The following ACAD10 variants were observed in gnomAD, a reference collection of about 807,000 sequenced individuals.
ACAD10 encodes the protein acyl-CoA dehydrogenase family member 10.
In ACAD10, 112 loss-of-function variants were observed where a neutral mutation model predicts 116.8. The ratio of observed to expected loss-of-function variants is 0.96; its 90% CI spans 0.82 to 1.12. The LOEUF is 1.12. Among genes scored for constraint, ACAD10 ranks in the 50% most tolerant of loss-of-function variants. The pLI is 0.00. For synonymous variants in ACAD10, 486 were observed against 510.6 expected (o/e 0.95, Z 0.65); for missense variants, 1,259 against 1,350.2 (o/e 0.93, Z 1.06).
intron 11 of ACAD10, among the ~76,000 whole-genome samples, chr12:111,735,607 C>G (rs1889526771): frequency 6.6e-6 from 1 of 151,868 alleles, no homozygotes; most frequent in African/African-American, 2.4e-5. Context: ...AGGCACCCAC[C>G]ACCACGCCCG....
chr12:111,715,967 GT>G lies in ACAD10; in HGVS notation c.992+9del. On this transcript the variant is annotated splice_donor_region_variant and intron_variant, in intron 7 of 20. Coordinates refer to ENST00000313698, the MANE Select transcript of ACAD10 (RefSeq NM_025247.6). ...TGCCATAGAGAGGGAGTTCAGGTAA[GT>G]TTTCAGGGCCAGGGGAGCACTTGCC... 6.2e-7 allele frequency: 1 copy of G among 1,613,924 alleles called. No homozygotes were observed. The highest frequency in any genetic ancestry group is 2.2e-5 in the East Asian group (1 of 44,884).
At chr12:111,716,200 AC>A (rs926869484) in intron 7 of ACAD10, among the ~76,000 whole-genome samples, 5 of 150,886 alleles carry the variant, frequency 3.3e-5, no homozygotes, top group African/African-American at 4.9e-5. Context: ...CCCTGTTTCT[AC>A]CCCCCATCCC....
chr12:111,723,008 C>T (rs1282683800), intron 8 of ACAD10, among the ~76,000 whole-genome samples: 42 of 146,382 alleles, frequency 2.9e-4, no homozygotes, highest in Admixed American at 6.1e-4. Flanking sequence ...GGTGGCCGGG[C>T]GGGGGGCTGA....
At position 111,692,820 on chromosome 12, in the gene ACAD10, T is replaced by C; in HGVS notation, c.111T>C (p.Leu37=). 2 of 1,614,152 alleles carry C rather than the reference T, an allele frequency of 1.2e-6. No homozygotes were observed. Among genetic ancestry groups the C allele is most frequent in the Non-Finnish European group, 1.7e-6 (2 of 1,180,024 alleles). Residue 37 remains leucine (L), a synonymous_variant, in exon 2 of 21, where the codon CTT becomes CTC. Transcript: ENST00000313698. The part of the protein sequence containing the change: ...RHQGSHRWTH[L]GGSTYRAVIF... ...AGGGGTCCCACCGATGGACACACCT[T>C]GGAGGCAGCACCTACAGAGCGGTGA...
At chr12:111,719,602 C>T (rs1350612495) in intron 7 of ACAD10, among the ~76,000 whole-genome samples, 1 of 150,426 alleles carries the variant, frequency 6.6e-6, no homozygotes, top group African/African-American at 2.4e-5. Flanking sequence ...GCCCAGGCTG[C>T]ACTGCAGTGG....
intron 7 of ACAD10, 71 bp from the exon 8 acceptor site, chr12:111,721,600 A>C (rs1251978467): frequency 5.0e-6 from 7 of 1,393,842 alleles, no homozygotes; most frequent in Non-Finnish European, 7.0e-6. Flanking sequence ...ACAAAAAACA[A>C]AGAAAAGTAA....
intron 2 of ACAD10, among the ~76,000 whole-genome samples, chr12:111,694,335 T>A (rs996957384): frequency 2.6e-5 from 4 of 152,004 alleles, no homozygotes; most frequent in African/African-American, 9.7e-5. Flanking sequence ...GACTGTCCAC[T>A]CCCCCTGCTC....
intron 13 of ACAD10, 145 bp from the exon 14 acceptor site, chr12:111,745,999 C>T (rs1889882676): frequency 5.0e-6 from 5 of 1,007,804 alleles, no homozygotes; most frequent in Admixed American, 5.6e-5. Flanking sequence ...AGCCACCATG[C>T]CCAGCTCCTC....
At chr12:111,694,550 C>A (rs561382441) in intron 2 of ACAD10, among the ~76,000 whole-genome samples, 166 of 152,260 alleles carry the variant, frequency 1.1e-3, no homozygotes, top group Non-Finnish European at 1.8e-3. Context: ...GATCACTGGA[C>A]AGAAAGTTTC....
At chr12:111,692,581 A>T in intron 1 of ACAD10, 116 bp from the exon 2 acceptor site, 1 of 1,021,940 alleles carries the variant, frequency 9.8e-7, no homozygotes, top group Non-Finnish European at 1.4e-6. Context: ...GTGTGATTCG[A>T]AGTGCCTGTT....
intron 1 of ACAD10, among the ~76,000 whole-genome samples, chr12:111,686,578 T>C (rs1156595441): frequency 3.3e-5 from 5 of 152,002 alleles, no homozygotes; most frequent in East Asian, 1.9e-4. Context: ...TAGCCGGGCT[T>C]GGTGGCGCGC....
intron 16 of ACAD10, 62 bp from the exon 17 acceptor site, chr12:111,748,255 G>T: frequency 1.9e-6 from 3 of 1,599,132 alleles, no homozygotes; most frequent in Non-Finnish European, 1.7e-6. Flanking sequence ...AGGACCACGT[G>T]TGTAGAGATT....
chr12:111,739,970 T>TA (rs1889682701), intron 12 of ACAD10, among the ~76,000 whole-genome samples: 2 of 152,218 alleles, frequency 1.3e-5, no homozygotes, highest in Non-Finnish European at 2.9e-5. Context: ...TGTGGGTTTT[T>TA]TAAAAAACAT....
At chr12:111,689,525 C>A (rs1046798357) in intron 1 of ACAD10, among the ~76,000 whole-genome samples, 12 of 152,006 alleles carry the variant, frequency 7.9e-5, no homozygotes, top group African/African-American at 2.7e-4. Context: ...GTGTGCGCCA[C>A]CACGCCTGGC....
chr12:111,724,138 C>A (rs1373319617), intron 8 of ACAD10, among the ~76,000 whole-genome samples: 2 of 149,172 alleles, frequency 1.3e-5, no homozygotes, highest in African/African-American at 2.5e-5. Flanking sequence ...TCCTCACTTT[C>A]CAGACTGGGC....
intron 18 of ACAD10, 92 bp from the exon 19 acceptor site, chr12:111,753,680 C>T (rs1488499301): frequency 1.8e-5 from 28 of 1,568,824 alleles, no homozygotes; most frequent in Non-Finnish European, 2.5e-5. Context: ...GTCCTGTCTG[C>T]TTCCACCCAG....
intron 19 of ACAD10, among the ~76,000 whole-genome samples, chr12:111,754,835 T>G (rs543244067): frequency 7.3e-4 from 111 of 152,374 alleles, no homozygotes; most frequent in Middle Eastern, 3.4e-3. Flanking sequence ...CCCTTCAGTG[T>G]GTGCTGGCTG....
At chr12:111,716,856 C>T (rs1159581092) in intron 7 of ACAD10, among the ~76,000 whole-genome samples, 2 of 152,018 alleles carry the variant, frequency 1.3e-5, no homozygotes, top group African/African-American at 2.4e-5. Context: ...GACTGTGTCT[C>T]AAGAAACAAA....
chr12:111,708,924 AG>A (rs1472649913), intron 4 of ACAD10, among the ~76,000 whole-genome samples: 2 of 152,242 alleles, frequency 1.3e-5, no homozygotes, highest in Admixed American at 1.3e-4. Context: ...TTAGCATGTC[AG>A]GAACAGTGTC....
Sources: gnomAD v4.1 joint callset for allele counts (sites outside exome capture counted in the v4.1 genomes callset) on GRCh38, gnomAD v4.1.1 for gene constraint, MANE v1.5 for transcripts, NCBI Gene and HGNC (gene_info 2026-07-23, HGNC 2026-07-21) for gene names.